DCC: variants seen among roughly 807,000 people sequenced by gnomAD.
DCC encodes netrin receptor DCC.
A neutral mutation model predicts 172.5 loss-of-function variants in DCC; 58 were observed. The observed-to-expected ratio is 0.34, with a 90% confidence interval of 0.27 to 0.42. DCC has a LOEUF of 0.42. DCC is among the 10% of genes least tolerant of loss of function. The pLI is 1.00. For missense variants in DCC, 1,740 were observed against 1,791.0 expected (o/e 0.97, Z 0.51); for synonymous variants, 709 against 644.5 (o/e 1.10, Z -1.52).
At position 52,927,141 on chromosome 18, in the gene DCC, A is replaced by ACG. The variant is rs1292833754; in HGVS notation, c.985+1771_985+1772insCG. 1.8e-3 allele frequency among the ~76,000 whole-genome samples: 82 copies of ACG among 45,724 alleles called. 7 individuals carry two copies. The highest frequency in any genetic ancestry group is 3.9e-3 in the African/African-American group (58 of 14,814). The allele number at this position is 45,724 out of a possible 152,430, so 30.0% of individuals were successfully genotyped here. On this transcript the variant is annotated intron_variant, in intron 5 of 28. Coordinates refer to ENST00000442544, the MANE Select transcript of DCC (RefSeq NM_005215.4). ...CGTGTATATACACGTATATACGTGT[A>ACG]TATATGTGTATATATACGTATATAT... is the stretch of plus-strand genomic sequence containing the variant.
At chr18:52,589,336 C>T (rs926575096) in intron 1 of DCC, among the ~76,000 whole-genome samples, 1 of 152,146 alleles carries the variant, frequency 6.6e-6, no homozygotes, top group Admixed American at 6.5e-5. Flanking sequence ...GTCACAGAAA[C>T]TTATTTCTAC....
At chr18:53,397,158 G>A in intron 17 of DCC, 150 bp from the exon 18 acceptor site, 5 of 708,390 alleles carry the variant, frequency 7.1e-6, no homozygotes, top group Admixed American at 6.5e-5. Context: ...TTAATAGATG[G>A]GAATTCGAGT....
chr18:53,110,054 C>G (rs192663852), intron 7 of DCC, among the ~76,000 whole-genome samples: 4 of 151,566 alleles, frequency 2.6e-5, no homozygotes, highest in African/African-American at 9.7e-5. Flanking sequence ...TGAATGAAAA[C>G]CATTTTTTCT....
chr18:53,524,499 T>A (rs962845187), intron 27 of DCC, among the ~76,000 whole-genome samples: 4 of 152,090 alleles, frequency 2.6e-5, no homozygotes, highest in African/African-American at 9.6e-5. Flanking sequence ...AATGTGTTTT[T>A]GTTTTATAGC....
chr18:52,905,191 C>A (rs1429309413), intron 2 of DCC, among the ~76,000 whole-genome samples: 2 of 150,196 alleles, frequency 1.3e-5, no homozygotes, highest in African/African-American at 4.9e-5. Context: ...TTTATTTTTT[C>A]ATGCATGCTT....
At chr18:53,166,811 A>G (rs577036787) in intron 8 of DCC, among the ~76,000 whole-genome samples, 1 of 152,186 alleles carries the variant, frequency 6.6e-6, no homozygotes, top group Non-Finnish European at 1.5e-5. Flanking sequence ...TTATGCTTTT[A>G]TCTGGCAGTG....
intron 5 of DCC, among the ~76,000 whole-genome samples, chr18:52,936,108 T>C (rs1223989388): frequency 6.6e-6 from 1 of 152,138 alleles, no homozygotes; most frequent in Non-Finnish European, 1.5e-5. Context: ...GTGTGTAATA[T>C]AAGGCAGAAT....
intron 1 of DCC, among the ~76,000 whole-genome samples, chr18:52,436,734 C>A (rs980228956): frequency 6.6e-6 from 1 of 152,098 alleles, no homozygotes; most frequent in Admixed American, 6.6e-5. Context: ...TGGCAAAACC[C>A]CATCTCTACT....
intron 15 of DCC, among the ~76,000 whole-genome samples, chr18:53,373,175 A>G (rs1251472177): frequency 1.3e-5 from 2 of 152,178 alleles, no homozygotes; most frequent in Non-Finnish European, 2.9e-5. Flanking sequence ...AATATACACC[A>G]GTAATGTTAT....
intron 1 of DCC, among the ~76,000 whole-genome samples, chr18:52,435,438 T>C (rs1341734965): frequency 1.3e-5 from 2 of 152,184 alleles, no homozygotes; most frequent in Non-Finnish European, 2.9e-5. Flanking sequence ...TCTGCCTGGC[T>C]GTGGCTGCCT....
intron 24 of DCC, among the ~76,000 whole-genome samples, chr18:53,465,992 C>G (rs1599181174): frequency 1.3e-5 from 2 of 152,140 alleles, no homozygotes; most frequent in East Asian, 3.9e-4. Context: ...TCTCGATCTC[C>G]TGACCTCATG....
chr18:53,444,996 C>T (rs533429288), intron 22 of DCC, among the ~76,000 whole-genome samples: 1 of 152,120 alleles, frequency 6.6e-6, no homozygotes, highest in Admixed American at 6.6e-5. Context: ...TTCTACCACC[C>T]CTGCCCCACT....
chr18:53,033,073 T>A (rs181832991), intron 5 of DCC, among the ~76,000 whole-genome samples: 1 of 152,250 alleles, frequency 6.6e-6, no homozygotes, highest in African/African-American at 2.4e-5. Context: ...CTGTGACAAG[T>A]GACTGAAGAC....
chr18:53,121,772 A>G (rs2043487690), intron 7 of DCC, among the ~76,000 whole-genome samples: 3 of 151,934 alleles, frequency 2.0e-5, no homozygotes, highest in Admixed American at 1.3e-4. Context: ...TTTGGGGTAC[A>G]TATTTTATGA....
chr18:53,208,105 G>GTTT lies in DCC; in HGVS notation c.1861+304_1861+306dup, dbSNP rs141875005. On this transcript the variant is annotated intron_variant, in intron 11 of 28. Transcript: ENST00000442544. Reference sequence around the variant, plus strand: ...ATAGTGAGACCCTATCTCTGTAAATGTTTTTTTTTTTTTTTTTTAATTAAC... The same window carrying GTTT: ...ATAGTGAGACCCTATCTCTGTAAATGTTTTTTTTTTTTTTTTTTTTTAATTAAC... Among the ~76,000 whole-genome samples, 652 of 127,132 alleles carry GTTT rather than the reference G, an allele frequency of 5.1e-3. 5 individuals carry two copies. The highest frequency in any genetic ancestry group is 0.022 in the Admixed American group (270 of 12,304). 83.4% of individuals were successfully genotyped at this position (127,132 alleles called of 152,430 possible). A position where few individuals can be genotyped will look rare whatever the true frequency, so the allele number is the denominator to read the frequency against.
At chr18:53,251,518 C>T (rs2144659024) in intron 12 of DCC, among the ~76,000 whole-genome samples, 1 of 152,044 alleles carries the variant, frequency 6.6e-6, no homozygotes, top group African/African-American at 2.4e-5. Context: ...TCAAATCATA[C>T]CTGTAACTCA....
At chr18:53,518,848 A>T (rs939112333) in intron 27 of DCC, among the ~76,000 whole-genome samples, 1 of 152,148 alleles carries the variant, frequency 6.6e-6, no homozygotes, top group Non-Finnish European at 1.5e-5. Flanking sequence ...TTAGCCATGG[A>T]TCATTTAACC....
chr18:52,556,665 TACA>T (rs1009662482), intron 1 of DCC, among the ~76,000 whole-genome samples: 2 of 152,020 alleles, frequency 1.3e-5, no homozygotes. Flanking sequence ...TACTAGCATG[TACA>T]ACAATAGCAC....
intron 5 of DCC, chr18:52,941,137 C>G (rs2040454859): frequency 6.6e-6 from 1 of 152,108 alleles, no homozygotes; most frequent in Non-Finnish European, 1.5e-5. Flanking sequence ...TTCAAGAATA[C>G]TGTAGGAGAA....
Sources: gnomAD v4.1 joint callset for allele counts (sites outside exome capture counted in the v4.1 genomes callset) on GRCh38, gnomAD v4.1.1 for gene constraint, MANE v1.5 for transcripts, NCBI Gene and HGNC (gene_info 2026-07-23, HGNC 2026-07-21) for gene names.